The following MDH1B variants were observed in gnomAD, a reference collection of about 807,000 sequenced individuals.
MDH1B encodes putative malate dehydrogenase 1B.
A neutral mutation model predicts 61.4 loss-of-function variants in MDH1B; 60 were observed. The observed-to-expected ratio is 0.98, with a 90% CI of 0.79 to 1.21. The LOEUF is 1.21. MDH1B is among the 50% of genes most tolerant of loss of function. MDH1B has a pLI of 0.00. For missense variants in MDH1B, 587 were observed against 632.1 expected (o/e 0.93, Z 0.76); for synonymous variants, 236 against 218.7 (o/e 1.08, Z -0.70).
chr2:206,765,094 G>C lies in MDH1B; in HGVS notation c.22+156C>G, dbSNP rs1397531373. Among the ~76,000 whole-genome samples, 8 of 140,744 alleles carry C rather than the reference G, an allele frequency of 5.7e-5. No homozygotes were observed. In the East Asian group the frequency reaches 3.2e-3, roughly 56 times the overall value. The allele number at this position is 140,744 out of a possible 152,430, so 92.3% of individuals were successfully genotyped here. A position where few individuals can be genotyped will look rare whatever the true frequency, so the allele number is the denominator to read the frequency against. ...CATTGCATCCCCAGTGTCCCACAATGCTTGGCGCACCGTCACGGTCCAGTA... is the reference window on the plus strand; with the variant it reads ...CATTGCATCCCCAGTGTCCCACAATCCTTGGCGCACCGTCACGGTCCAGTA... On this transcript the variant is annotated intron_variant, in intron 1 of 11. Transcript: ENST00000374412.
At chr2:206,750,380 T>C (rs566353771) in intron 6 of MDH1B, among the ~76,000 whole-genome samples, 1 of 142,370 alleles carries the variant, frequency 7.0e-6, no homozygotes, top group Admixed American at 6.9e-5. Flanking sequence ...AGAGGCTGCT[T>C]AGCCTCTCTG....
At chr2:206,749,997 G>A (rs181713554) in intron 6 of MDH1B, among the ~76,000 whole-genome samples, 2 of 152,268 alleles carry the variant, frequency 1.3e-5, no homozygotes, top group Non-Finnish European at 2.9e-5. Flanking sequence ...AACCCTGCAC[G>A]ACACAGCTCT....
rs554554625 is a variant in MDH1B, at chr2:206,754,504, T to C, written c.910+505A>G. On this transcript the variant is annotated intron_variant, in intron 5 of 11. Coordinates refer to ENST00000374412, the MANE Select transcript of MDH1B (RefSeq NM_001039845.3). ...CCTTAGAAATGTTTATTATGTGCCATACACTCTTCTTAGCACTTTAGGAAT... is the reference window on the plus strand; with the variant it reads ...CCTTAGAAATGTTTATTATGTGCCACACACTCTTCTTAGCACTTTAGGAAT... Among the ~76,000 whole-genome samples, 152 of 152,300 alleles carry C rather than the reference T, an allele frequency of 1.0e-3. 7 individuals are homozygous for C. The South Asian group carries it at 0.029, about 30-fold the overall frequency.
chr2:206,749,249 T>A, intron 6 of MDH1B, 66 bp from the exon 7 acceptor site: 1 of 1,419,688 alleles, frequency 7.0e-7, no homozygotes, highest in Non-Finnish European at 9.8e-7. Flanking sequence ...GGATGTTCCC[T>A]GGCTCAGTGG....
intron 8 of MDH1B, among the ~76,000 whole-genome samples, chr2:206,745,874 T>C (rs7595543): frequency 0.29 from 43,578 of 151,612 alleles, 8,520 homozygotes; most frequent in East Asian, 0.57. Context: ...GCTGGGATTA[T>C]AGGCATGTGC....
intron 3 of MDH1B, 25 bp downstream of exon 3, chr2:206,757,212 A>T: frequency 6.3e-7 from 1 of 1,591,146 alleles, no homozygotes. Flanking sequence ...TATCATTATT[A>T]GAACAGATAA....
chr2:206,745,759 G>A lies in MDH1B; in HGVS notation c.1357-86C>T. ...TTTTTTTTTTTTTTTTTGAGACAGA[G>A]TTTCACTCTTGTTGCCCAGGCTGGA... On this transcript the variant is annotated intron_variant, in intron 8 of 11. Coordinates refer to ENST00000374412, the MANE Select transcript of MDH1B (RefSeq NM_001039845.3). The A allele has an allele frequency of 3.1e-6, 3 of 954,808 alleles. No homozygotes were observed. In the South Asian group the frequency reaches 4.5e-5, roughly 14 times the overall value. The allele number at this position is 954,808 out of a possible 1,614,324, so 59.1% of individuals were successfully genotyped here.
intron 2 of MDH1B, among the ~76,000 whole-genome samples, chr2:206,758,827 C>A (rs920625918): frequency 8.6e-5 from 13 of 151,838 alleles, no homozygotes; most frequent in Non-Finnish European, 1.8e-4. Context: ...CTAGAAAGCC[C>A]GCCATTCAAC....
At chr2:206,754,153 G>A (rs1688616428) in intron 5 of MDH1B, among the ~76,000 whole-genome samples, 1 of 152,076 alleles carries the variant, frequency 6.6e-6, no homozygotes, top group Non-Finnish European at 1.5e-5. Context: ...AGAAAATATA[G>A]CTCTGGCTAT....
At chr2:206,747,655 T>C (rs1688192199) in intron 7 of MDH1B, among the ~76,000 whole-genome samples, 1 of 152,120 alleles carries the variant, frequency 6.6e-6, no homozygotes, top group Non-Finnish European at 1.5e-5. Context: ...ATGCAACTAA[T>C]CATACTATCA....
rs375491168 is a variant in MDH1B, at chr2:206,746,436, G to A, written c.1217-10C>T. The A allele has an allele frequency of 6.9e-6, 11 of 1,603,520 alleles. No homozygotes were observed. The African/African-American group carries it at 9.4e-5, about 14-fold the overall frequency. On this transcript the variant is annotated splice_polypyrimidine_tract_variant and intron_variant, in intron 7 of 11. Transcript: ENST00000374412. The stretch of plus-strand genomic sequence containing the variant: ...GGAATACCAAACTGGCCTGCAGTGA[G>A]CAAACACAAAGCAAAGCAATGCAGC...
intron 7 of MDH1B, among the ~76,000 whole-genome samples, chr2:206,747,233 T>C (rs1393135734): frequency 2.0e-5 from 3 of 152,132 alleles, no homozygotes; most frequent in African/African-American, 7.2e-5. Context: ...AGACTTTTCC[T>C]TAGAGGGCTT....
At position 206,765,302 on chromosome 2, in the gene MDH1B, G is replaced by T; in HGVS notation, c.-31C>A. The T allele has an allele frequency of 1.3e-6, 2 of 1,578,362 alleles. No homozygotes were observed. Among genetic ancestry groups the T allele is most frequent in the Non-Finnish European group, 1.7e-6 (2 of 1,167,402 alleles). On this transcript the variant is annotated 5_prime_UTR_variant, in exon 1 of 12. Transcript: ENST00000374412. ...AGAGAGACTCAGAGGCAGGGACCGC[G>T]GCTTCGCGGTTTCCTGGCAACCACG...
In MDH1B at chr2:206,738,460, T is replaced by C. The variant is rs747301311; in HGVS notation, c.*23A>G. ...TGTTTATTGTGCTATCAAGTAATTA[T>C]ATATTTCATCCAATTTGATCTGTTA... On this transcript the variant is annotated 3_prime_UTR_variant, in exon 12 of 12. Transcript: ENST00000374412. 3 of 1,529,410 alleles carry C rather than the reference T, an allele frequency of 2.0e-6. No individual in the cohort carries two copies. Among genetic ancestry groups the C allele is most frequent in the African/African-American group, 2.8e-5 (2 of 71,678 alleles). The allele number at this position is 1,529,410 out of a possible 1,614,324, so 94.7% of individuals were successfully genotyped here.
intron 10 of MDH1B, 78 bp from the exon 11 acceptor site, chr2:206,739,739 C>T: frequency 3.9e-6 from 5 of 1,297,606 alleles, no homozygotes; most frequent in Non-Finnish European, 5.5e-6. Flanking sequence ...TTTCTTCTAT[C>T]TTGTTCCTTC....
At chr2:206,747,083 T>C (rs541841418) in intron 7 of MDH1B, among the ~76,000 whole-genome samples, 107 of 152,180 alleles carry the variant, frequency 7.0e-4, no homozygotes, top group African/African-American at 2.4e-3. Flanking sequence ...GACAAAATTG[T>C]CCCCGTTTCT....
chr2:206,749,842 A>C (rs115409140), intron 6 of MDH1B, among the ~76,000 whole-genome samples: 203 of 152,336 alleles, frequency 1.3e-3, no homozygotes, highest in African/African-American at 4.7e-3. Context: ...GTGCTCAAAA[A>C]GTTTCAGTTT....
intron 9 of MDH1B, among the ~76,000 whole-genome samples, chr2:206,743,152 G>T (rs538476129): frequency 6.6e-6 from 1 of 152,294 alleles, no homozygotes; most frequent in African/African-American, 2.4e-5. Context: ...GTAGGGACTT[G>T]GCGTTTAATG....
At position 206,753,728 on chromosome 2, in the gene MDH1B, T is replaced by G. The variant is rs1035633025; in HGVS notation, c.910+1281A>C. ...CTTGGACTCTGTCCCTCTAATGCCTTTTTCCTTTTACCAACTTTCCTCCAT... is the reference window on the plus strand; with the variant it reads ...CTTGGACTCTGTCCCTCTAATGCCTGTTTCCTTTTACCAACTTTCCTCCAT... On this transcript the variant is annotated intron_variant, in intron 5 of 11. Coordinates refer to ENST00000374412, the MANE Select transcript of MDH1B (RefSeq NM_001039845.3). Among the ~76,000 whole-genome samples, 4 of 152,170 alleles carry G rather than the reference T, an allele frequency of 2.6e-5. No homozygotes were observed. In the South Asian group the frequency reaches 6.2e-4, roughly 24 times the overall value.
Sources: allele counts gnomAD v4.1 joint callset (sites outside exome capture counted in the v4.1 genomes callset), GRCh38; gene constraint gnomAD v4.1.1; transcripts MANE v1.5; gene names NCBI Gene and HGNC (gene_info 2026-07-23, HGNC 2026-07-21).